Variants in TRPC4 observed in about 807,000 individuals in gnomAD.
TRPC4 encodes transient receptor potential cation channel subfamily C member 4.
TRPC4 carries 49 observed loss-of-function variants against 99.4 expected under a neutral mutation model. That is an observed-to-expected ratio of 0.49 (90% CI 0.39 to 0.63). The LOEUF (loss-of-function observed/expected upper bound fraction) is 0.63. Ranked by LOEUF, TRPC4 falls within the 20% of genes least tolerant of loss-of-function variation. The pLI, the probability that TRPC4 is intolerant of heterozygous loss-of-function variation, is 0.00. For missense variants in TRPC4, 898 were observed against 1,152.9 expected, an observed-to-expected ratio of 0.78 and a Z score of 3.20; for synonymous variants, 454 against 425.9, an observed-to-expected ratio of 1.07 and a Z score of -0.81.
chr13:37,798,609 T>A (rs1957315062), intron 1 of TRPC4, among the ~76,000 whole-genome samples: 2 of 152,086 alleles, frequency 1.3e-5, no homozygotes, highest in Admixed American at 6.6e-5. Flanking sequence ...GTGAAAAAAA[T>A]ACTTCCAAAT....
chr13:37,857,017 C>A (rs1039567172), intron 1 of TRPC4, among the ~76,000 whole-genome samples: 19 of 151,392 alleles, frequency 1.3e-4, no homozygotes, highest in African/African-American at 4.1e-4. Flanking sequence ...AACTCTTATT[C>A]AACATAGTAC....
At chr13:37,839,982 T>G (rs1205379942) in intron 1 of TRPC4, among the ~76,000 whole-genome samples, 1 of 152,142 alleles carries the variant, frequency 6.6e-6, no homozygotes, top group Admixed American at 6.6e-5. Flanking sequence ...TTTTATTGGA[T>G]CATCAATAAT....
At position 37,636,905 on chromosome 13, in the gene TRPC4, A is replaced by C; in HGVS notation, c.2932T>G (p.Ter978GlyextTer31). The change falls in exon 11 of 11, where the codon TGA (stop) becomes GGA (glycine). Residue 978 changes from the stop codon to glycine (G), a stop_lost. Transcript: ENST00000379705. ...THEDYVTTRL[*>G] ...GTAAACGCTTCCTCCTTCAAGTATC[A>C]CAATCTTGTGGTCACGTAATCTTCG... The C allele has an allele frequency of 6.2e-7, 1 of 1,607,488 alleles. No homozygotes were observed. The highest frequency in any genetic ancestry group is 1.1e-5 in the South Asian group (1 of 90,288).
At chr13:37,727,130 A>G (rs1955091560) in intron 3 of TRPC4, among the ~76,000 whole-genome samples, 1 of 152,088 alleles carries the variant, frequency 6.6e-6, no homozygotes, top group African/African-American at 2.4e-5. Context: ...AACAGAATAC[A>G]CATTTTTCTC....
chr13:37,698,386 C>T (rs1002415572), intron 3 of TRPC4, among the ~76,000 whole-genome samples: 2 of 151,462 alleles, frequency 1.3e-5, no homozygotes, highest in African/African-American at 2.4e-5. Context: ...TGGTCTCGAT[C>T]TCCTGACCTC....
intron 3 of TRPC4, among the ~76,000 whole-genome samples, chr13:37,735,077 C>A (rs549467552): frequency 6.6e-6 from 1 of 152,240 alleles, no homozygotes; most frequent in East Asian, 1.9e-4. Context: ...GCATCATGAA[C>A]TGCCAAATTA....
At chr13:37,662,423 T>A (rs1054815795) in intron 6 of TRPC4, among the ~76,000 whole-genome samples, 21 of 152,166 alleles carry the variant, frequency 1.4e-4, no homozygotes, top group African/African-American at 4.8e-4. Flanking sequence ...AAAAAGATGA[T>A]GAATAACTAA....
intron 2 of TRPC4, among the ~76,000 whole-genome samples, chr13:37,780,027 A>G (rs937543336): frequency 1.2e-4 from 18 of 151,998 alleles, no homozygotes; most frequent in East Asian, 3.9e-4. Context: ...TGTATTCACA[A>G]TCGGACCTTA....
At position 37,850,819 on chromosome 13, in the gene TRPC4, C is replaced by T. The variant is rs907131389; in HGVS notation, c.-28+18776G>A. On this transcript the variant is annotated intron_variant, in intron 1 of 10. Transcript: ENST00000379705. ...AGCCAACATCCCAGATAGAGGGAAA[C>T]CACACAGAAATGAATTGACCTTGTA... Among the ~76,000 whole-genome samples, 3 of 152,102 alleles carry T rather than the reference C, an allele frequency of 2.0e-5. No homozygotes were observed. In the East Asian group the frequency reaches 5.8e-4, roughly 29 times the overall value.
At chr13:37,726,613 A>T (rs1358681472) in intron 3 of TRPC4, among the ~76,000 whole-genome samples, 1 of 152,164 alleles carries the variant, frequency 6.6e-6, no homozygotes, top group Non-Finnish European at 1.5e-5. Flanking sequence ...TTTATTAGCA[A>T]TAACTTTAAA....
chr13:37,848,383 A>C (rs1203744500), intron 1 of TRPC4, among the ~76,000 whole-genome samples: 2 of 152,162 alleles, frequency 1.3e-5, no homozygotes, highest in Non-Finnish European at 2.9e-5. Context: ...TTGTATACCA[A>C]CTGCTATCAC....
intron 3 of TRPC4, among the ~76,000 whole-genome samples, chr13:37,716,590 T>G (rs1410218322): frequency 3.9e-5 from 6 of 152,086 alleles, no homozygotes; most frequent in Non-Finnish European, 8.8e-5. Context: ...CTTGAGGAAG[T>G]GGTTAGTACT....
intron 2 of TRPC4, among the ~76,000 whole-genome samples, chr13:37,749,772 T>C (rs1955881725): frequency 6.6e-6 from 1 of 152,190 alleles, no homozygotes; most frequent in African/African-American, 2.4e-5. Context: ...GATATTGCTA[T>C]GACCCCATGA....
intron 8 of TRPC4, among the ~76,000 whole-genome samples, chr13:37,650,612 T>TACACACACACACACACACACACACAC (rs57068516): frequency 3.9e-4 from 55 of 140,608 alleles, no homozygotes; most frequent in African/African-American, 1.4e-3. Context: ...TCTCTCTCTA[T>TACACACACACACACACACACACACAC]ACACACACAC....
chr13:37,662,216 A>G (rs2138682660), intron 6 of TRPC4, among the ~76,000 whole-genome samples: 1 of 152,242 alleles, frequency 6.6e-6, no homozygotes, highest in Non-Finnish European at 1.5e-5. Context: ...AGGCTGAAGC[A>G]GGAGAATCAC....
At chr13:37,750,053 C>A (rs930988792) in intron 2 of TRPC4, among the ~76,000 whole-genome samples, 1 of 152,070 alleles carries the variant, frequency 6.6e-6, no homozygotes, top group African/African-American at 2.4e-5. Flanking sequence ...AAGTAACTTT[C>A]ACACACTTTG....
chr13:37,637,130 T>C lies in TRPC4; in HGVS notation c.2707A>G (p.Ser903Gly), dbSNP rs758509700. The change falls in exon 11 of 11, where the codon AGT becomes GGT. Residue 903 changes from serine to glycine, a missense_variant. By Grantham distance (56) the Ser-to-Gly change is moderately conservative. Around this residue, in one of 3 missense-constraint regions of TRPC4, gnomAD observed 346 missense variants for 351.4 expected, o/e 0.98. Transcript: ENST00000379705. ...TGGTCTACTAACACACATTGTTCAC[T>C]GAGACCGGGAATGCTCAGGTCACCC... ...SRGDLSIPGL[S>G]EQCVLVDHRE... The C allele has an allele frequency of 1.9e-6, 3 of 1,613,842 alleles. No homozygotes were observed. The highest frequency in any genetic ancestry group is 1.1e-5 in the South Asian group (1 of 91,080).
At position 37,702,071 on chromosome 13, in the gene TRPC4, G is replaced by A. The variant is rs549878024; in HGVS notation, c.898-9736C>T. On this transcript the variant is annotated intron_variant, in intron 3 of 10. Coordinates refer to ENST00000379705, the MANE Select transcript of TRPC4 (RefSeq NM_016179.4). ...TGACTTTAGCAACCTTCTGGTAAGC[G>A]ACTGTGAATTCAAGGCATTCCTTGG... Among the ~76,000 whole-genome samples the A allele has an allele frequency of 6.2e-4, 95 of 152,180 alleles. 4 individuals are homozygous for A. The South Asian group carries it at 0.018, about 29-fold the overall frequency.
intron 2 of TRPC4, among the ~76,000 whole-genome samples, chr13:37,767,328 T>C (rs1284347359): frequency 8.9e-6 from 1 of 111,778 alleles, no homozygotes; most frequent in Non-Finnish European, 1.8e-5. Context: ...CCCAGAGATA[T>C]AGATTCAGCA....
Sources: allele counts gnomAD v4.1 joint callset (sites outside exome capture counted in the v4.1 genomes callset), GRCh38; gene constraint gnomAD v4.1.1; regional missense constraint gnomAD v4.1.1; transcripts MANE v1.5; gene names NCBI Gene and HGNC (gene_info 2026-07-23, HGNC 2026-07-21).